The following TADA2A variants were observed in gnomAD, a reference collection of about 807,000 sequenced individuals.
TADA2A encodes transcriptional adapter 2-alpha.
In TADA2A, 38 loss-of-function variants were observed where a neutral mutation model predicts 67.4. That is an observed-to-expected ratio of 0.56 (90% CI 0.44 to 0.74). TADA2A has a LOEUF of 0.74. Ranked by LOEUF, TADA2A falls within the 30% of genes least tolerant of loss-of-function variation. The pLI, the probability that TADA2A is intolerant of heterozygous loss-of-function variation, is 0.00. For missense variants in TADA2A, 454 were observed against 547.0 expected (o/e 0.83, Z 1.70); for synonymous variants, 192 against 181.6 (o/e 1.06, Z -0.46).
intron 6 of TADA2A, among the ~76,000 whole-genome samples, chr17:37,440,932 TA>T (rs2052897455): frequency 6.6e-6 from 1 of 151,974 alleles, no homozygotes; most frequent in Non-Finnish European, 1.5e-5. Context: ...CTGTCTCAAC[TA>T]AAAGTATAAA....
chr17:37,407,722 C>T lies in TADA2A; in HGVS notation c.-98+773C>T, dbSNP rs535038242. Among the ~76,000 whole-genome samples, 12 of 152,014 alleles carry T rather than the reference C, an allele frequency of 7.9e-5. No individual in the cohort carries two copies. The South Asian group carries it at 1.9e-3, about 24-fold the overall frequency. ...CCGCCTCCCAGGCTCAAGCGATTCT[C>T]GTGCCTGAGGCGTGGGCCACCACGC... On this transcript the variant is annotated intron_variant, in intron 1 of 15. Transcript: ENST00000615182.
intron 8 of TADA2A, among the ~76,000 whole-genome samples, chr17:37,453,794 G>C (rs1490508536): frequency 3.1e-5 from 3 of 98,146 alleles, no homozygotes; most frequent in African/African-American, 1.3e-4. Flanking sequence ...TTTTGAGACA[G>C]AGTTTTACTC....
Position 37,427,024 on chromosome 17 carries a change from G to A in TADA2A, c.192+15G>A. ...ATGAAATAATGGTAATGATGAAGTT[G>A]CTGGGAATTTCTGTTCACTTTTTTT... is the stretch of plus-strand genomic sequence containing the variant. On this transcript the variant is annotated intron_variant, in intron 4 of 15. Coordinates refer to ENST00000615182, the MANE Select transcript of TADA2A (RefSeq NM_001166105.3). 6.4e-7 allele frequency: 1 copy of A among 1,565,494 alleles called. No individual in the cohort carries two copies. Among genetic ancestry groups the A allele is most frequent in the East Asian group, 2.3e-5 (1 of 43,208 alleles).
Position 37,411,725 on chromosome 17 carries a change from C to T in TADA2A, c.25+335C>T, listed in dbSNP as rs181609258. Reference sequence around the variant, plus strand: ...GATTACAGGTGTGAGCCACCACTCCCGGCCTTCAGGTGACTATTAATAGCA... The same window carrying T: ...GATTACAGGTGTGAGCCACCACTCCTGGCCTTCAGGTGACTATTAATAGCA... On this transcript the variant is annotated intron_variant, in intron 2 of 15. Transcript: ENST00000615182. Among the ~76,000 whole-genome samples the T allele has an allele frequency of 6.1e-4, 92 of 151,878 alleles. 1 individual carries two copies. In the Middle Eastern group the frequency reaches 0.017, roughly 28 times the overall value.
chr17:37,428,545 A>G lies in TADA2A; in HGVS notation c.192+1536A>G, dbSNP rs571487063. ...TCTCTATGACCTCTCCTATTGCCTT[A>G]TCTTTCCTGTGCTGAATCTTTATGA... On this transcript the variant is annotated intron_variant, in intron 4 of 15. Transcript: ENST00000615182. Among the ~76,000 whole-genome samples the G allele has an allele frequency of 1.0e-3, 154 of 152,254 alleles. 1 individual carries two copies. Among genetic ancestry groups the G allele is most frequent in the Admixed American group, 6.9e-3 (106 of 15,288 alleles).
intron 4 of TADA2A, among the ~76,000 whole-genome samples, chr17:37,431,341 C>T (rs2052560887): frequency 6.6e-6 from 1 of 151,598 alleles, no homozygotes; most frequent in Admixed American, 6.6e-5. Flanking sequence ...GCTGAAAGTC[C>T]CAAGAGGGTT....
In TADA2A at chr17:37,474,570, C is replaced by G. The variant is rs766089640; in HGVS notation, c.1087C>G (p.Pro363Ala). 1.4e-5 allele frequency: 22 copies of G among 1,613,600 alleles called. No individual in the cohort carries two copies. Among genetic ancestry groups the G allele is most frequent in the Non-Finnish European group, 1.8e-5 (21 of 1,179,874 alleles). Reference sequence around the variant, plus strand: ...TCTGTCTATAGGTAGACGGAGTGCACCACCCTTGAACCTCACTGGCCTCCC... The same window carrying G: ...TCTGTCTATAGGTAGACGGAGTGCAGCACCCTTGAACCTCACTGGCCTCCC... ...MASNSGRRSA[P>A]PLNLTGLPGT... Residue 363 changes from proline (P) to alanine (A), a missense_variant, in exon 15 of 16, where the codon CCA becomes GCA. Transcript: ENST00000615182.
At chr17:37,410,431 C>T (rs2051828878) in intron 1 of TADA2A, among the ~76,000 whole-genome samples, 1 of 151,906 alleles carries the variant, frequency 6.6e-6, no homozygotes, top group South Asian at 2.1e-4. Context: ...CCACGTCAGC[C>T]TCCCAGAGTG....
At chr17:37,411,427 A>AT in intron 2 of TADA2A, 37 bp downstream of exon 2, 9 of 1,596,694 alleles carry the variant, frequency 5.6e-6, no homozygotes, top group South Asian at 5.5e-5. Flanking sequence ...GTGACTTATT[A>AT]TTATTTTTTT....
intron 4 of TADA2A, among the ~76,000 whole-genome samples, chr17:37,434,393 G>T (rs2052660867): frequency 6.6e-6 from 1 of 152,186 alleles, no homozygotes; most frequent in South Asian, 2.1e-4. Flanking sequence ...GAGCTTTCCT[G>T]TCCTCTCTGG....
chr17:37,431,266 T>G (rs961339593), intron 4 of TADA2A, among the ~76,000 whole-genome samples: 1 of 152,298 alleles, frequency 6.6e-6, no homozygotes. Context: ...TCCCACAGTT[T>G]TGTGGGTCAG....
chr17:37,465,692 C>G, intron 11 of TADA2A, 151 bp downstream of exon 11: 1 of 1,421,248 alleles, frequency 7.0e-7, no homozygotes, highest in Non-Finnish European at 9.4e-7. Flanking sequence ...AAATTTGGGA[C>G]TATGGGGGTG....
chr17:37,453,759 ATTTTTTTTT>A (rs143096066), intron 8 of TADA2A, among the ~76,000 whole-genome samples: 8 of 69,106 alleles, frequency 1.2e-4, no homozygotes, highest in Admixed American at 4.0e-4. Context: ...GAAATAACTG[ATTTTTTTTT>A]TTTTTTTTTT....
chr17:37,461,498 A>G (rs2057111330), intron 9 of TADA2A, among the ~76,000 whole-genome samples: 1 of 152,234 alleles, frequency 6.6e-6, no homozygotes, highest in South Asian at 2.1e-4. Flanking sequence ...TGCCTGGTTT[A>G]AATTCTCTTT....
chr17:37,445,487 A>G (rs2053050805), intron 8 of TADA2A, among the ~76,000 whole-genome samples: 1 of 152,148 alleles, frequency 6.6e-6, no homozygotes. Context: ...GCTGGTCTGC[A>G]ACTCCTAACC....
At chr17:37,433,126 A>G (rs1337045342) in intron 4 of TADA2A, among the ~76,000 whole-genome samples, 1 of 151,532 alleles carries the variant, frequency 6.6e-6, no homozygotes, top group African/African-American at 2.4e-5. Flanking sequence ...TCTTAAAAAT[A>G]TAGGGAAATA....
chr17:37,470,043 A>AG (rs1389263620), intron 12 of TADA2A, among the ~76,000 whole-genome samples: 1 of 152,196 alleles, frequency 6.6e-6, no homozygotes, highest in African/African-American at 2.4e-5. Flanking sequence ...CTTTGAAAAA[A>AG]TTTATAAAAA....
chr17:37,471,256 A>G (rs2053781274), intron 14 of TADA2A, 119 bp downstream of exon 14: 4 of 989,378 alleles, frequency 4.0e-6, no homozygotes, highest in African/African-American at 1.6e-5. Flanking sequence ...AGTAACAGTA[A>G]TCAAGTGTTA....
chr17:37,455,441 G>A (rs1046003632), intron 8 of TADA2A, among the ~76,000 whole-genome samples: 2 of 152,016 alleles, frequency 1.3e-5, no homozygotes, highest in Non-Finnish European at 2.9e-5. Flanking sequence ...GAGTGCAGTG[G>A]CGTGATCTCG....
Sources: allele counts gnomAD v4.1 joint callset (sites outside exome capture counted in the v4.1 genomes callset), GRCh38; gene constraint gnomAD v4.1.1; transcripts MANE v1.5; gene names NCBI Gene and HGNC (gene_info 2026-07-23, HGNC 2026-07-21).